FCRL3: variants seen among roughly 807,000 people sequenced by gnomAD.
The protein encoded by FCRL3 is Fc receptor like 3.
In FCRL3, 89 loss-of-function variants were observed where a neutral mutation model predicts 75.0. That is an observed-to-expected ratio of 1.19 (90% CI 1.00 to 1.42). FCRL3 has a LOEUF of 1.42. Among genes scored for constraint, FCRL3 ranks in the 40% most tolerant of loss-of-function variants. The probability of loss-of-function intolerance (pLI) is 0.00; values close to 1 mark genes in which losing one functional copy is unlikely to be tolerated. For synonymous variants in FCRL3, 376 were observed against 348.5 expected (o/e 1.08, Z -0.88); for missense variants, 946 against 880.0 (o/e 1.07, Z -0.95).
At chr1:157,695,743 C>A (rs761517998) in intron 7 of FCRL3, 136 bp from the exon 8 acceptor site, 17 of 1,104,178 alleles carry the variant, frequency 1.5e-5, no homozygotes, top group Non-Finnish European at 2.0e-5. Context: ...TTTTTCTTAT[C>A]TAACAATCAG....
intron 8 of FCRL3, among the ~76,000 whole-genome samples, chr1:157,693,038 G>A (rs1655650897): frequency 6.6e-6 from 1 of 152,018 alleles, no homozygotes; most frequent in African/African-American, 2.4e-5. Context: ...CACTTTGGGA[G>A]GCTGTCGCGG....
In FCRL3 at chr1:157,685,880, A is replaced by T. The variant is rs796084652; in HGVS notation, c.1811-2636T>A. ...TAAAGATAAAAATTAATGCATAAATAAAAAAATTTTTTTTAATTAATGAAA... is the reference window on the plus strand; with the variant it reads ...TAAAGATAAAAATTAATGCATAAATTAAAAAATTTTTTTTAATTAATGAAA... On this transcript the variant is annotated intron_variant, in intron 10 of 14. Coordinates refer to ENST00000368184, the MANE Select transcript of FCRL3 (RefSeq NM_052939.4). 4.6e-5 allele frequency among the ~76,000 whole-genome samples: 7 copies of T among 152,248 alleles called. 1 individual carries two copies. The highest frequency in any genetic ancestry group is 1.7e-4 in the African/African-American group (7 of 41,566).
At chr1:157,698,129 C>CT in intron 4 of FCRL3, 1 of 727,256 alleles carries the variant, frequency 1.4e-6, no homozygotes, top group Non-Finnish European at 2.2e-6. Flanking sequence ...CTTCACATGT[C>CT]TTTTCACAAA....
At position 157,693,685 on chromosome 1, in the gene FCRL3, C is replaced by CTCCT. The variant is rs753661568; in HGVS notation, c.1411+1640_1411+1643dup. The stretch of plus-strand genomic sequence containing the variant: ...ATATTGTTTATTTCATTTTCTTTCT[C>CTCCT]TCCTTCCTTCCTTCCTTCCTTCCTC... On this transcript the variant is annotated intron_variant, in intron 8 of 14. Transcript: ENST00000368184. Among the ~76,000 whole-genome samples, 531 of 151,420 alleles carry CTCCT rather than the reference C, an allele frequency of 3.5e-3. 1 individual carries two copies. Among genetic ancestry groups the CTCCT allele is most frequent in the Non-Finnish European group, 4.8e-3 (327 of 67,812 alleles).
chr1:157,681,142 G>C, intron 11 of FCRL3, 43 bp from the exon 12 acceptor site: 1 of 1,300,432 alleles, frequency 7.7e-7, no homozygotes, highest in Non-Finnish European at 1.0e-6. Context: ...GTATCTGTGG[G>C]TTACACAGAA....
Position 157,700,500 on chromosome 1 carries a change from C to A in FCRL3, c.-11G>T, listed in dbSNP as rs945635. On this transcript the variant is annotated 5_prime_UTR_variant, in exon 2 of 15. Coordinates refer to ENST00000368184, the MANE Select transcript of FCRL3 (RefSeq NM_052939.4). The stretch of plus-strand genomic sequence containing the variant: ...CAGCCACAGAAGCATGGGCACCGGC[C>A]GGGCAGAGGGTTGGGAAAGTCTGTC... The A allele has an allele frequency of 1.1e-5, 18 of 1,613,764 alleles. No homozygotes were observed. The Admixed American group carries it at 2.5e-4, about 22-fold the overall frequency.
chr1:157,683,310 A>G, intron 10 of FCRL3, 66 bp from the exon 11 acceptor site: 1 of 1,572,720 alleles, frequency 6.4e-7, no homozygotes, highest in Non-Finnish European at 8.7e-7. Context: ...CTCTGTTAGA[A>G]CATTTTTTCC....
In FCRL3 at chr1:157,697,641, C is replaced by A; in HGVS notation, c.559+18G>T. 6.2e-7 allele frequency: 1 copy of A among 1,604,632 alleles called. No homozygotes were observed. Among genetic ancestry groups the A allele is most frequent in the East Asian group, 2.2e-5 (1 of 44,822 alleles). On this transcript the variant is annotated intron_variant, in intron 5 of 14. Transcript: ENST00000368184. ...TTTCCCTAACAAACCCAGTAATCCA[C>A]AGGAATCTAGCCATTACCTTGAACT...
intron 3 of FCRL3, 98 bp from the exon 4 acceptor site, chr1:157,698,727 T>C (rs1216985603): frequency 7.9e-7 from 1 of 1,273,146 alleles, no homozygotes; most frequent in Non-Finnish European, 1.1e-6. Flanking sequence ...TTTCCTGGAC[T>C]AATTTCCAGT....
At position 157,697,859 on chromosome 1, in the gene FCRL3, C is replaced by G. The variant is rs771038579; in HGVS notation, c.359G>C (p.Cys120Ser). The G allele has an allele frequency of 1.9e-6, 3 of 1,614,030 alleles. No individual in the cohort carries two copies. The highest frequency in any genetic ancestry group is 4.5e-5 in the East Asian group (2 of 44,892). ...AGTGTTTTTGTTGTCTTTCCCCTGA[C>G]ATCTCAGAATGACATTGTCTCCTTC... ...VFEGDNVILR[C>S]QGKDNKNTHQ... Residue 120 changes from cysteine (C) to serine (S), a missense_variant, in exon 5 of 15, where the codon TGT (cysteine) becomes TCT (serine). Cys to Ser is a moderately radical substitution (Grantham distance 112). Coordinates refer to ENST00000368184, the MANE Select transcript of FCRL3 (RefSeq NM_052939.4).
intron 10 of FCRL3, among the ~76,000 whole-genome samples, chr1:157,684,756 G>T (rs925028252): frequency 1.3e-5 from 2 of 152,146 alleles, no homozygotes; most frequent in Non-Finnish European, 2.9e-5. Context: ...CCAATATCAA[G>T]TTGGCAAGTT....
At chr1:157,690,195 G>A (rs1319369333) in intron 9 of FCRL3, 60 bp downstream of exon 9, 4 of 1,578,646 alleles carry the variant, frequency 2.5e-6, no homozygotes, top group Non-Finnish European at 8.6e-7. Context: ...TGTACAATCT[G>A]TCAGATAACT....
In FCRL3 at chr1:157,677,331, G is replaced by C. The variant is rs1467175275; in HGVS notation, c.*1379C>G. The C allele has an allele frequency of 7.1e-6, 7 of 986,462 alleles. No individual in the cohort carries two copies. The highest frequency in any genetic ancestry group is 1.2e-6 in the Non-Finnish European group (1 of 830,606). 61.1% of individuals were successfully genotyped at this position (986,462 alleles called of 1,614,324 possible). On this transcript the variant is annotated 3_prime_UTR_variant, in exon 15 of 15. Transcript: ENST00000368184. ...TTGAATGCATGTAAGACATTCCCTA[G>C]GGACTCCAAGAAATATTGATTAGAG...
At position 157,678,167 on chromosome 1, in the gene FCRL3, C is replaced by T. The variant is rs193112196; in HGVS notation, c.*543G>A. 5.9e-5 allele frequency: 58 copies of T among 986,154 alleles called. No homozygotes were observed. In the African/African-American group the frequency reaches 9.1e-4, roughly 15 times the overall value. The allele number at this position is 986,154 out of a possible 1,614,324, so 61.1% of individuals were successfully genotyped here. On this transcript the variant is annotated 3_prime_UTR_variant, in exon 15 of 15. Coordinates refer to ENST00000368184, the MANE Select transcript of FCRL3 (RefSeq NM_052939.4). Reference sequence around the variant, plus strand: ...GGGTAATTTGGTTGGGAATGTCACCCTGTAAGTACAAAAATACACTTCAGA... The same window carrying T: ...GGGTAATTTGGTTGGGAATGTCACCTTGTAAGTACAAAAATACACTTCAGA...
chr1:157,681,878 A>G (rs1415487507), intron 11 of FCRL3, among the ~76,000 whole-genome samples: 1 of 151,918 alleles, frequency 6.6e-6, no homozygotes, highest in South Asian at 2.1e-4. Context: ...AAGTGTTCCT[A>G]TTTCTCCACA....
At chr1:157,695,295 T>A in intron 8 of FCRL3, 34 bp downstream of exon 8, 1 of 1,591,460 alleles carries the variant, frequency 6.3e-7, no homozygotes, top group African/African-American at 1.3e-5. Context: ...TCTGTTGTAT[T>A]GGCTGTTAAC....
At chr1:157,695,187 G>T (rs1655802679) in intron 8 of FCRL3, 142 bp downstream of exon 8, 1 of 821,700 alleles carries the variant, frequency 1.2e-6, no homozygotes, top group Non-Finnish European at 1.9e-6. Flanking sequence ...TCACTAGGAA[G>T]AATCCCAGAA....
At chr1:157,690,999 C>CTATGTATGTATGTATGTATG (rs57070872) in intron 8 of FCRL3, among the ~76,000 whole-genome samples, 22 of 148,882 alleles carry the variant, frequency 1.5e-4, no homozygotes, top group African/African-American at 5.0e-4. Flanking sequence ...TGACATCTGT[C>CTATGTATGTATGTATGTATG]TATGTATGTA....
At position 157,697,243 on chromosome 1, in the gene FCRL3, G is replaced by T. The variant is rs1193622845; in HGVS notation, c.741C>A (p.Ile247=). 6.2e-7 allele frequency: 1 copy of T among 1,609,506 alleles called. No homozygotes were observed. Among genetic ancestry groups the T allele is most frequent in the East Asian group, 2.2e-5 (1 of 44,802 alleles). The change falls in exon 6 of 15, where the codon ATC becomes ATA. Residue 247 remains isoleucine, a synonymous_variant. Transcript: ENST00000368184. Reference sequence around the variant, plus strand: ...CTGAGTCTTCAGTCCACATGGCAGGGATCTGGAGTCTGGGGGACCTGCTCC... The same window carrying T: ...CTGAGTCTTCAGTCCACATGGCAGGTATCTGGAGTCTGGGGGACCTGCTCC... The part of the protein sequence containing the change: ...LGWSRSPRLQ[I]PAMWTEDSGS...
Sources: allele counts gnomAD v4.1 joint callset (sites outside exome capture counted in the v4.1 genomes callset), GRCh38; gene constraint gnomAD v4.1.1; transcripts MANE v1.5; gene names NCBI Gene and HGNC (gene_info 2026-07-23, HGNC 2026-07-21).